The following BAZ2B variants were observed in gnomAD, a reference collection of about 807,000 sequenced individuals.
BAZ2B encodes bromodomain adjacent to zinc finger domain 2B, also known as bromodomain adjacent to zinc finger domain protein 2B.
In BAZ2B, 91 loss-of-function variants were observed where a neutral mutation model predicts 246.0. The ratio of observed to expected loss-of-function variants is 0.37; its 90% CI spans 0.31 to 0.44. The LOEUF is 0.44. Ranked by LOEUF, BAZ2B falls within the 20% of genes least tolerant of loss-of-function variation. The probability of loss-of-function intolerance (pLI) is 1.00; values close to 1 mark genes in which losing one functional copy is unlikely to be tolerated. For missense variants in BAZ2B, 2,332 were observed against 2,533.7 expected, an observed-to-expected ratio of 0.92 and a Z score of 1.71; for synonymous variants, 855 against 860.0, an observed-to-expected ratio of 0.99 and a Z score of 0.10.
intron 2 of BAZ2B, among the ~76,000 whole-genome samples, chr2:159,489,105 T>C (rs2080166055): frequency 6.6e-6 from 1 of 152,204 alleles, no homozygotes. Flanking sequence ...AGAGACAGCA[T>C]ACTATCCATG....
the BAZ2B span, among the ~76,000 whole-genome samples, chr2:159,641,645 C>G: frequency 9.2e-5 from 14 of 152,086 alleles, 1 homozygote; most frequent in Non-Finnish European, 1.5e-4. Context: ...GTGCCTATCT[C>G]CTGAATAGTA....
chr2:159,353,191 C>T (rs2058739993), intron 27 of BAZ2B, among the ~76,000 whole-genome samples: 1 of 152,190 alleles, frequency 6.6e-6, no homozygotes, highest in African/African-American at 2.4e-5. Flanking sequence ...ACATAGCCCT[C>T]ATATCCTTCT....
At chr2:159,356,013 G>A (rs1005211244) in intron 27 of BAZ2B, among the ~76,000 whole-genome samples, 12 of 152,202 alleles carry the variant, frequency 7.9e-5, no homozygotes, top group South Asian at 2.1e-4. Context: ...GATTGCCTCC[G>A]GTGCCTATGC....
chr2:159,533,062 T>A (rs1057308167), intron 2 of BAZ2B, among the ~76,000 whole-genome samples: 2 of 152,148 alleles, frequency 1.3e-5, no homozygotes, highest in Non-Finnish European at 2.9e-5. Context: ...TAAATTAATA[T>A]GGCAATCTAA....
At chr2:159,588,726 T>TG (rs1016289826) in intron 1 of BAZ2B, among the ~76,000 whole-genome samples, 5 of 152,310 alleles carry the variant, frequency 3.3e-5, no homozygotes, top group Admixed American at 2.6e-4. Context: ...AAGCAGCCCC[T>TG]GAGGTGAGAA....
chr2:159,493,712 G>GA (rs1268957686), intron 2 of BAZ2B, among the ~76,000 whole-genome samples: 1 of 152,172 alleles, frequency 6.6e-6, no homozygotes. Flanking sequence ...AAGATAACCT[G>GA]AAATAACTCT....
At chr2:159,516,786 A>G (rs2083483492) in intron 2 of BAZ2B, 1 of 152,210 alleles carries the variant, frequency 6.6e-6, no homozygotes, top group Non-Finnish European at 1.5e-5. Context: ...TGTCAAACAG[A>G]CAATAAAGAG....
At chr2:159,658,253 A>AT in the BAZ2B span, among the ~76,000 whole-genome samples, 2 of 152,220 alleles carry the variant, frequency 1.3e-5, no homozygotes, top group Non-Finnish European at 2.9e-5. Context: ...CCAACCTTGC[A>AT]TAACTGGAAT....
At chr2:159,689,247 C>T in the BAZ2B span, 22 of 477,908 alleles carry the variant, frequency 4.6e-5, no homozygotes, top group South Asian at 3.2e-4. Flanking sequence ...GGTTCATATC[C>T]ATCAACTCAT....
At chr2:159,567,425 A>T (rs4381744) in intron 1 of BAZ2B, among the ~76,000 whole-genome samples, 9,112 of 152,244 alleles carry the variant, frequency 0.06, 318 homozygotes, top group East Asian at 0.14. Flanking sequence ...AAAGAAGCAC[A>T]GTTTTTTTTA....
intron 2 of BAZ2B, among the ~76,000 whole-genome samples, chr2:159,510,773 A>T (rs16844067): frequency 0.016 from 2,366 of 152,334 alleles, 61 homozygotes; most frequent in African/African-American, 0.054. Context: ...CAGTGCTTGA[A>T]GATACTGTTC....
the BAZ2B span, among the ~76,000 whole-genome samples, chr2:159,654,039 A>T: frequency 6.6e-6 from 1 of 152,208 alleles, no homozygotes; most frequent in African/African-American, 2.4e-5. Flanking sequence ...ATAAGCCAAA[A>T]TCTTAGTGGA....
chr2:159,654,790 C>T, the BAZ2B span, among the ~76,000 whole-genome samples: 1 of 152,076 alleles, frequency 6.6e-6, no homozygotes, highest in African/African-American at 2.4e-5. Context: ...CATGGTGAAA[C>T]CCCATCTCCA....
In BAZ2B at chr2:159,515,188, A is replaced by C. The variant is rs115772807; in HGVS notation, c.-2-36467T>G. ...GTTTAAAAATTAAACATCTTACTAC[A>C]TAGATCACCTGCACTTATATGTCCA... On this transcript the variant is annotated intron_variant, in intron 2 of 36. Transcript: ENST00000392783. Among the ~76,000 whole-genome samples, 963 of 152,116 alleles carry C rather than the reference A, an allele frequency of 6.3e-3. 6 individuals carry two copies. The highest frequency in any genetic ancestry group is 0.022 in the African/African-American group (922 of 41,558).
At position 159,433,132 on chromosome 2, in the gene BAZ2B, G is replaced by C. The variant is rs750536577; in HGVS notation, c.1525C>G (p.Leu509Val). Residue 509 changes from leucine to valine, a missense_variant, in exon 9 of 37, where the codon CTT becomes GTT. Transcript: ENST00000392783. Reference sequence around the variant, plus strand: ...CTCTGCATTTTAGTTTTGGTAGTAAGTGCTAGAGGAGCTTCTTGAATGACA... The same window carrying C: ...CTCTGCATTTTAGTTTTGGTAGTAACTGCTAGAGGAGCTTCTTGAATGACA... ...QSVIQEAPLALTTKTKMQSKI... is the reference protein window; with the variant it reads ...QSVIQEAPLAVTTKTKMQSKI... 3.1e-6 allele frequency: 5 copies of C among 1,614,204 alleles called. No homozygotes were observed. Among genetic ancestry groups the C allele is most frequent in the Non-Finnish European group, 3.4e-6 (4 of 1,180,024 alleles).
At chr2:159,428,266 G>A (rs372714140) in intron 12 of BAZ2B, 45 bp downstream of exon 12, 23 of 1,495,956 alleles carry the variant, frequency 1.5e-5, no homozygotes, top group Non-Finnish European at 1.9e-5. Flanking sequence ...ACATGATCAT[G>A]CTTAATAGGC....
chr2:159,463,794 T>A (rs985450622), intron 3 of BAZ2B: 1 of 152,166 alleles, frequency 6.6e-6, no homozygotes, highest in Admixed American at 6.6e-5. Context: ...AACCTCCACC[T>A]CCCAGTTTCA....
intron 3 of BAZ2B, among the ~76,000 whole-genome samples, chr2:159,454,838 A>T (rs1419227495): frequency 6.6e-6 from 1 of 152,202 alleles, no homozygotes; most frequent in East Asian, 1.9e-4. Context: ...GTTCAATTCA[A>T]ATGAGTCTGA....
At chr2:159,422,809 T>C (rs116740287) in intron 13 of BAZ2B, among the ~76,000 whole-genome samples, 2,730 of 152,110 alleles carry the variant, frequency 0.018, 40 homozygotes, top group Middle Eastern at 0.071. Flanking sequence ...ACAAACTATA[T>C]ATCTGACAAA....
Sources: allele counts gnomAD v4.1 joint callset (sites outside exome capture counted in the v4.1 genomes callset), GRCh38; gene constraint gnomAD v4.1.1; transcripts MANE v1.5; gene names NCBI Gene and HGNC (gene_info 2026-07-23, HGNC 2026-07-21).